The following MAP3K8 variants were observed in gnomAD, a reference collection of about 807,000 sequenced individuals.
MAP3K8 encodes the protein Ewing sarcoma transformant.
Under a neutral mutation model 45.8 loss-of-function variants are expected in MAP3K8, and 22 were observed. That is an observed-to-expected ratio of 0.48 (90% confidence interval 0.34 to 0.69). The LOEUF (loss-of-function observed/expected upper bound fraction) is 0.69, where lower values mean the gene tolerates loss of function less well. Among genes scored for constraint, MAP3K8 ranks in the 30% least tolerant of loss-of-function variants. The pLI is 0.01. For synonymous variants in MAP3K8, 223 were observed against 214.3 expected (o/e 1.04, Z -0.36); for missense variants, 419 against 585.0 (o/e 0.72, Z 2.93).
intron 6 of MAP3K8, among the ~76,000 whole-genome samples, chr10:30,453,716 C>T (rs1836628460): frequency 6.6e-6 from 1 of 151,848 alleles, no homozygotes; most frequent in Non-Finnish European, 1.5e-5. Flanking sequence ...CTTTAAATTA[C>T]CTGAATTATT....
chr10:30,454,979 T>C (rs1836687879), intron 6 of MAP3K8, among the ~76,000 whole-genome samples: 1 of 152,210 alleles, frequency 6.6e-6, no homozygotes, highest in Non-Finnish European at 1.5e-5. Context: ...ACTTTTCTCT[T>C]CCTGGCAATG....
In MAP3K8 at chr10:30,439,087, G is replaced by A; in HGVS notation, c.149G>A (p.Cys50Tyr). Residue 50 changes from cysteine to tyrosine, a missense_variant, in exon 3 of 9, where the codon TGT becomes TAT. Coordinates refer to ENST00000263056, the MANE Select transcript of MAP3K8 (RefSeq NM_005204.4). ...AVYEPSLMTMCQDSNQNDERS... is the reference protein window; with the variant it reads ...AVYEPSLMTMYQDSNQNDERS... ...TATGAACCCAGTCTAATGACCATGT[G>A]TCAAGACAGTAATCAAAACGATGAG... 1 of 1,614,230 alleles carries A rather than the reference G, an allele frequency of 6.2e-7. No homozygotes were observed. The highest frequency in any genetic ancestry group is 8.5e-7 in the Non-Finnish European group (1 of 1,180,036).
chr10:30,449,706 C>T (rs1209844266), intron 4 of MAP3K8, among the ~76,000 whole-genome samples: 7 of 152,040 alleles, frequency 4.6e-5, no homozygotes, highest in Admixed American at 3.3e-4. Context: ...AACGGGGTTT[C>T]GACATGTTGG....
chr10:30,447,990 G>C, intron 4 of MAP3K8, 41 bp downstream of exon 4: 1 of 1,541,432 alleles, frequency 6.5e-7, no homozygotes, highest in Non-Finnish European at 8.7e-7. Flanking sequence ...TGTGTGTTTG[G>C]CATTCTGGCT....
At position 30,439,211 on chromosome 10, in the gene MAP3K8, A is replaced by G. The variant is rs1259896555; in HGVS notation, c.273A>G (p.Ile91Met). ...VEDLLAFANH[I>M]SNTAKHFYGQ... ...ATTTGCTTGCTTTTGCAAACCATAT[A>G]TCCAACACTGCAAAGCATTTTTATG... The change falls in exon 3 of 9, where the codon ATA (isoleucine) becomes ATG (methionine). Residue 91 changes from isoleucine (I) to methionine (M), a missense_variant. Physicochemically the swap from Ile to Met is conservative, Grantham distance 10. Around this residue, in one of 3 missense-constraint regions of MAP3K8, gnomAD observed 209 missense variants for 367.3 expected, o/e 0.57. Transcript: ENST00000263056. The G allele has an allele frequency of 6.2e-7, 1 of 1,614,108 alleles. No individual in the cohort carries two copies. The highest frequency in any genetic ancestry group is 8.5e-7 in the Non-Finnish European group (1 of 1,180,048).
chr10:30,439,367 T>C lies in MAP3K8; in HGVS notation c.336+93T>C, dbSNP rs145268976. The C allele has an allele frequency of 3.5e-3, 5,395 of 1,539,634 alleles. 175 individuals carry two copies. The African/African-American group carries it at 0.063, about 18-fold the overall frequency. On this transcript the variant is annotated intron_variant, in intron 3 of 8. Coordinates refer to ENST00000263056, the MANE Select transcript of MAP3K8 (RefSeq NM_005204.4). ...GAGTGGTGTTTGAATTTGGCTTAGA[T>C]GGGCTGGCAGGCATGATTTTAAAAA...
chr10:30,436,951 A>G (rs1485229833), intron 1 of MAP3K8, among the ~76,000 whole-genome samples: 3 of 151,896 alleles, frequency 2.0e-5, no homozygotes, highest in African/African-American at 7.2e-5. Flanking sequence ...CTGCAACTAA[A>G]CGGCTCAGTA....
intron 3 of MAP3K8, among the ~76,000 whole-genome samples, chr10:30,441,402 C>T (rs945496387): frequency 6.6e-6 from 1 of 152,218 alleles, no homozygotes; most frequent in African/African-American, 2.4e-5. Context: ...GGTGATCCAC[C>T]TGCCTTGGCC....
In MAP3K8 at chr10:30,450,319, A is replaced by G; in HGVS notation, c.566A>G (p.Asn189Ser). Residue 189 changes from asparagine to serine, a missense_variant, in exon 5 of 9, where the codon AAC (asparagine) becomes AGC (serine). By Grantham distance (46) the Asn-to-Ser change is conservative. This residue lies in a region of MAP3K8 where 209 missense variants were observed against 367.3 expected (regional missense o/e 0.57). Coordinates refer to ENST00000263056, the MANE Select transcript of MAP3K8 (RefSeq NM_005204.4). ...ATCCAGGCTTGCTTCCGGCACGAGA[A>G]CATCGCAGAGCTGTATGGCGCAGTC... ...VEIQACFRHE[N>S]IAELYGAVLW... The G allele has an allele frequency of 6.2e-7, 1 of 1,612,880 alleles. No homozygotes were observed. The highest frequency in any genetic ancestry group is 8.5e-7 in the Non-Finnish European group (1 of 1,179,060).
intron 1 of MAP3K8, chr10:30,434,725 C>T (rs1031360071): frequency 5.1e-6 from 5 of 985,464 alleles, no homozygotes; most frequent in Non-Finnish European, 6.0e-6. Context: ...CCTGGACGGC[C>T]GCACTCTCCC....
intron 2 of MAP3K8, among the ~76,000 whole-genome samples, chr10:30,438,254 A>C (rs1835977324): frequency 6.6e-6 from 1 of 152,244 alleles, no homozygotes. Flanking sequence ...ATGTATCATC[A>C]TCTTTCTCAT....
At chr10:30,443,034 G>A (rs993171075) in intron 3 of MAP3K8, among the ~76,000 whole-genome samples, 12 of 152,162 alleles carry the variant, frequency 7.9e-5, no homozygotes, top group Non-Finnish European at 1.5e-4. Context: ...CTGTAAGAAA[G>A]TTCTCTTCCT....
At chr10:30,437,968 A>G (rs1012036518) in intron 2 of MAP3K8, among the ~76,000 whole-genome samples, 14 of 152,214 alleles carry the variant, frequency 9.2e-5, no homozygotes, top group Non-Finnish European at 1.5e-5. Context: ...CCTGAGTAAC[A>G]ACGTCAGTTT....
chr10:30,450,649 T>C, intron 5 of MAP3K8, 130 bp downstream of exon 5: 1 of 726,086 alleles, frequency 1.4e-6, no homozygotes, highest in Non-Finnish European at 2.3e-6. Flanking sequence ...CCGTCCGTCT[T>C]CCTTCTCCAG....
intron 4 of MAP3K8, among the ~76,000 whole-genome samples, chr10:30,448,872 C>T (rs756080023): frequency 5.9e-5 from 9 of 152,148 alleles, no homozygotes; most frequent in South Asian, 2.1e-4. Context: ...GACCTGTCCA[C>T]GTGGCCACCA....
Position 30,446,667 on chromosome 10 carries a change from C to T in MAP3K8, c.337-1115C>T, listed in dbSNP as rs1836351330. 2.0e-5 allele frequency among the ~76,000 whole-genome samples: 3 copies of T among 152,072 alleles called. No individual in the cohort carries two copies. The South Asian group carries it at 6.2e-4, about 31-fold the overall frequency. ...TTATCCCTTGAAAGAACACTCTGGA[C>T]ATGTTACAGGCACGCGTTCCAGATT... On this transcript the variant is annotated intron_variant, in intron 3 of 8. Transcript: ENST00000263056.
At chr10:30,458,929 A>G (rs530812620) in intron 7 of MAP3K8, among the ~76,000 whole-genome samples, 2 of 152,240 alleles carry the variant, frequency 1.3e-5, no homozygotes, top group Admixed American at 6.5e-5. Context: ...TAAAAAAATT[A>G]GCTAGGTGTG....
At position 30,459,383 on chromosome 10, in the gene MAP3K8, T is replaced by C. The variant is rs2132837261; in HGVS notation, c.1155T>C (p.His385=). The change falls in exon 8 of 9, where the codon CAT becomes CAC. Residue 385 remains histidine, a synonymous_variant. Transcript: ENST00000263056. The part of the protein sequence containing the change: ...HRPRAADLLK[H]EALNPPREDQ... ...CAAGAGCCGCAGACCTACTAAAACATGAGGCCCTGAACCCGCCCAGAGAGG... is the reference window on the plus strand; with the variant it reads ...CAAGAGCCGCAGACCTACTAAAACACGAGGCCCTGAACCCGCCCAGAGAGG... The C allele has an allele frequency of 6.2e-7, 1 of 1,614,092 alleles. No homozygotes were observed. The highest frequency in any genetic ancestry group is 8.5e-7 in the Non-Finnish European group (1 of 1,180,018).
intron 6 of MAP3K8, among the ~76,000 whole-genome samples, chr10:30,452,729 G>A (rs370809895): frequency 6.6e-6 from 1 of 152,252 alleles, no homozygotes; most frequent in African/African-American, 2.4e-5. Flanking sequence ...CGCCCAGGCT[G>A]TAGGACAGTG....
Sources: allele counts gnomAD v4.1 joint callset (sites outside exome capture counted in the v4.1 genomes callset), GRCh38; gene constraint gnomAD v4.1.1; regional missense constraint gnomAD v4.1.1; transcripts MANE v1.5; gene names NCBI Gene and HGNC (gene_info 2026-07-23, HGNC 2026-07-21).